The following TMEM11 variants were observed in gnomAD, a reference collection of about 807,000 sequenced individuals.
TMEM11 encodes the protein transmembrane protein 11.
Under a neutral mutation model 17.0 loss-of-function variants are expected in TMEM11, and 1 was observed. The ratio of observed to expected loss-of-function variants is 0.06; its 90% CI spans 0.02 to 0.28. The LOEUF (loss-of-function observed/expected upper bound fraction) is 0.28, where lower values mean the gene tolerates loss of function less well. TMEM11 is among the 10% of genes least tolerant of loss of function. TMEM11 has a pLI of 1.00. For missense variants in TMEM11, 172 were observed against 252.9 expected (o/e 0.68, Z 2.17); for synonymous variants, 122 against 118.1 (o/e 1.03, Z -0.21).
At chr17:21,202,756 G>A (rs1353273323) in intron 1 of TMEM11, among the ~76,000 whole-genome samples, 2 of 152,244 alleles carry the variant, frequency 1.3e-5, no homozygotes, top group African/African-American at 2.4e-5. Flanking sequence ...CCGCCCCCCA[G>A]CACAGGGAGT....
In TMEM11 at chr17:21,198,806, G is replaced by A; in HGVS notation, c.97C>T (p.His33Tyr). ...SLSATDCYIV[H>Y]EIYNGENAQD... ...GCATTCTCCCCATTGTAGATCTCATGCACAATGTAGCAGTCTGTGGCCGAC... is the reference window on the plus strand; with the variant it reads ...GCATTCTCCCCATTGTAGATCTCATACACAATGTAGCAGTCTGTGGCCGAC... Residue 33 changes from histidine (H) to tyrosine (Y), a missense_variant, in exon 2 of 2, where the codon CAT (histidine) becomes TAT (tyrosine). His to Tyr is a moderately conservative substitution (Grantham distance 83). Around this residue, in one of 2 missense-constraint regions of TMEM11, gnomAD observed 123 missense variants for 213.6 expected, o/e 0.58. Coordinates refer to ENST00000317635, the MANE Select transcript of TMEM11 (RefSeq NM_003876.3). This position sits in a 1 kb window ranked among gnomAD's most constrained non-coding sequence, Gnocchi z 6.5. 1 of 1,613,200 alleles carries A rather than the reference G, an allele frequency of 6.2e-7. No individual in the cohort carries two copies.
At chr17:21,203,455 G>A (rs1974905379) in intron 1 of TMEM11, among the ~76,000 whole-genome samples, 2 of 152,102 alleles carry the variant, frequency 1.3e-5, no homozygotes, top group Admixed American at 6.5e-5. Context: ...GGTGGCTCAC[G>A]CCTGTAATCC....
chr17:21,199,437 T>A (rs909346488), intron 1 of TMEM11, among the ~76,000 whole-genome samples: 4 of 151,328 alleles, frequency 2.6e-5, no homozygotes, highest in Non-Finnish European at 5.9e-5. Context: ...CCAACTGATC[T>A]GAGTCAGCAA....
At chr17:21,202,880 G>A (rs1974897838) in intron 1 of TMEM11, among the ~76,000 whole-genome samples, 3 of 152,226 alleles carry the variant, frequency 2.0e-5, no homozygotes, top group Admixed American at 2.0e-4. Flanking sequence ...AGATGGTGGC[G>A]TGGGTCTGCC....
At chr17:21,200,282 G>A (rs563504555) in intron 1 of TMEM11, among the ~76,000 whole-genome samples, 111 of 152,370 alleles carry the variant, frequency 7.3e-4, no homozygotes, top group African/African-American at 2.6e-3. Flanking sequence ...TGAAGACAGG[G>A]CTATCCATGC....
intron 1 of TMEM11, among the ~76,000 whole-genome samples, chr17:21,204,304 C>T (rs905102963): frequency 7.9e-5 from 12 of 151,512 alleles, no homozygotes; most frequent in Non-Finnish European, 1.6e-4. Context: ...TTTGGTGGCA[C>T]GTGCCTGTAA....
At chr17:21,210,894 G>A in intron 1 of TMEM11, 3 of 1,245,284 alleles carry the variant, frequency 2.4e-6, no homozygotes, top group South Asian at 1.3e-5. Context: ...ATCTTCACGT[G>A]ATTATAAAAA....
At chr17:21,212,327 G>C (rs1003330000) in intron 1 of TMEM11, among the ~76,000 whole-genome samples, 2 of 152,124 alleles carry the variant, frequency 1.3e-5, no homozygotes, top group African/African-American at 4.8e-5. Context: ...AGACCAAGCA[G>C]GCAAATGCAT....
chr17:21,205,452 G>A (rs1016351705), intron 1 of TMEM11, among the ~76,000 whole-genome samples: 9 of 152,188 alleles, frequency 5.9e-5, no homozygotes, highest in Non-Finnish European at 1.0e-4. Flanking sequence ...CAGGGTCTCC[G>A]CTGCAGGAGG....
chr17:21,205,487 C>G (rs1417262100), intron 1 of TMEM11, among the ~76,000 whole-genome samples: 1 of 152,170 alleles, frequency 6.6e-6, no homozygotes, highest in East Asian at 1.9e-4. Flanking sequence ...AACGCTAGTT[C>G]TCTATCGCGC....
intron 1 of TMEM11, among the ~76,000 whole-genome samples, chr17:21,209,625 T>G (rs1974980978): frequency 6.6e-6 from 1 of 151,954 alleles, no homozygotes; most frequent in African/African-American, 2.4e-5. Context: ...AAAAATGAGC[T>G]GGGCGTGGTG....
In TMEM11 at chr17:21,210,887, T is replaced by C; in HGVS notation, c.62+3204A>G. The C allele has an allele frequency of 2.4e-6, 3 of 1,239,412 alleles. No individual in the cohort carries two copies. The South Asian group carries it at 4.1e-5, about 17-fold the overall frequency. 76.8% of individuals were successfully genotyped at this position (1,239,412 alleles called of 1,614,324 possible). On this transcript the variant is annotated intron_variant, in intron 1 of 1. Coordinates refer to ENST00000317635, the MANE Select transcript of TMEM11 (RefSeq NM_003876.3). ...TGCTCAGAAGCAGATCAAGTACATC[T>C]TCACGTGATTATAAAAACAGGAACT...
At chr17:21,210,860 C>T in intron 1 of TMEM11, 1 of 1,207,134 alleles carries the variant, frequency 8.3e-7, no homozygotes, top group Non-Finnish European at 1.1e-6. Context: ...TGCCTCATAT[C>T]ATGCTCAGAA....
intron 1 of TMEM11, among the ~76,000 whole-genome samples, chr17:21,208,716 C>T (rs1294763855): frequency 6.6e-6 from 1 of 152,176 alleles, no homozygotes; most frequent in East Asian, 1.9e-4. Context: ...CACAGGCAGG[C>T]CTGAAGCTCC....
At position 21,198,413 on chromosome 17, in the gene TMEM11, C is replaced by T; in HGVS notation, c.490G>A (p.Asp164Asn). The change falls in exon 2 of 2, where the codon GAC becomes AAC. Residue 164 changes from aspartate to asparagine, a missense_variant. Physicochemically the swap from Asp to Asn is conservative, Grantham distance 23. This residue lies in a region of TMEM11 where 123 missense variants were observed against 213.6 expected (regional missense o/e 0.58). Transcript: ENST00000317635. The surrounding 1 kb of genome is among the most constrained non-coding windows in gnomAD (Gnocchi z 6.5). ...STPVVLVRKD[D>N]LHRKRLHNTI... Reference sequence around the variant, plus strand: ...TTGTGCAGTCTCTTTCTGTGCAGGTCGTCCTTCCGGACCAGCACCACCGGG... The same window carrying T: ...TTGTGCAGTCTCTTTCTGTGCAGGTTGTCCTTCCGGACCAGCACCACCGGG... 5 of 1,614,208 alleles carry T rather than the reference C, an allele frequency of 3.1e-6. No individual in the cohort carries two copies. The highest frequency in any genetic ancestry group is 1.1e-5 in the South Asian group (1 of 91,080).
chr17:21,204,928 G>C (rs1384032063), intron 1 of TMEM11, among the ~76,000 whole-genome samples: 1 of 152,080 alleles, frequency 6.6e-6, no homozygotes, highest in Non-Finnish European at 1.5e-5. Flanking sequence ...CACTGAATGG[G>C]ACCGCTCTCT....
At chr17:21,210,822 T>C (rs764263576) in intron 1 of TMEM11, 53 of 1,055,290 alleles carry the variant, frequency 5.0e-5, no homozygotes, top group Non-Finnish European at 6.3e-5. Flanking sequence ...TTTAGCCCCG[T>C]GCATCTGGCC....
At chr17:21,209,982 C>T (rs569173357) in intron 1 of TMEM11, among the ~76,000 whole-genome samples, 1 of 152,286 alleles carries the variant, frequency 6.6e-6, no homozygotes, top group Admixed American at 6.5e-5. Context: ...GGCGGAACAC[C>T]GTGGCAGTCA....
In TMEM11 at chr17:21,214,122, G is replaced by A. The variant is rs757871489; in HGVS notation, c.31C>T (p.Pro11Ser). MAAWGRRRLG[P>S]GSSGGSARER... The stretch of plus-strand genomic sequence containing the variant: ...CGGGCGCTGCCGCCACTGCTGCCCG[G>A]GCCAAGACGCCTCCTTCCCCAAGCG... Residue 11 changes from proline (P) to serine (S), a missense_variant, in exon 1 of 2, where the codon CCG (proline) becomes TCG (serine). Physicochemically the swap from Pro to Ser is moderately conservative, Grantham distance 74. This residue lies in a region of TMEM11 where 49 missense variants were observed against 39.3 expected (regional missense o/e 1.25). Transcript: ENST00000317635. 1.9e-6 allele frequency: 3 copies of A among 1,612,208 alleles called. No individual in the cohort carries two copies. The highest frequency in any genetic ancestry group is 3.3e-5 in the Admixed American group (2 of 59,994).
Sources: gnomAD v4.1 joint callset for allele counts (sites outside exome capture counted in the v4.1 genomes callset) on GRCh38, gnomAD v4.1.1 for gene constraint, gnomAD v4.1.1 regional missense constraint, Gnocchi (gnomAD v3.1) non-coding constraint, MANE v1.5 for transcripts, NCBI Gene and HGNC (gene_info 2026-07-23, HGNC 2026-07-21) for gene names.